The following TXNRD1 variants were observed in gnomAD, a reference collection of about 807,000 sequenced individuals.
TXNRD1 encodes thioredoxin reductase 1, cytoplasmic.
TXNRD1 carries 57 observed loss-of-function variants against 80.3 expected under a neutral mutation model. The observed-to-expected ratio is 0.71, with a 90% CI of 0.57 to 0.89. The LOEUF (loss-of-function observed/expected upper bound fraction) is 0.89. Ranked by LOEUF, TXNRD1 falls within the 40% of genes least tolerant of loss-of-function variation. The probability of loss-of-function intolerance (pLI) is 0.00; values close to 1 mark genes in which losing one functional copy is unlikely to be tolerated. For synonymous variants in TXNRD1, 291 were observed against 285.2 expected (o/e 1.02, Z -0.20); for missense variants, 730 against 803.0 (o/e 0.91, Z 1.10).
chr12:104,289,778 A>G (rs1258125504), intron 4 of TXNRD1, among the ~76,000 whole-genome samples: 1 of 151,414 alleles, frequency 6.6e-6, no homozygotes, highest in East Asian at 1.9e-4. Context: ...CCCAGAGTGC[A>G]CTGGAGTGCA....
At chr12:104,335,720 A>G (rs1479278214) in intron 15 of TXNRD1, among the ~76,000 whole-genome samples, 1 of 152,222 alleles carries the variant, frequency 6.6e-6, no homozygotes, top group East Asian at 1.9e-4. Context: ...TTTTAAAGAA[A>G]CGACCTCAGT....
At chr12:104,278,296 G>C (rs1308030226) in intron 3 of TXNRD1, among the ~76,000 whole-genome samples, 1 of 147,792 alleles carries the variant, frequency 6.8e-6, no homozygotes, top group African/African-American at 2.5e-5. Flanking sequence ...CACCTCCCCG[G>C]TCCACGCCTT....
At chr12:104,332,619 C>T (rs2035989766) in intron 14 of TXNRD1, among the ~76,000 whole-genome samples, 1 of 151,808 alleles carries the variant, frequency 6.6e-6, no homozygotes, top group Non-Finnish European at 1.5e-5. Flanking sequence ...AGTGGTGGTG[C>T]ATGCCTGTAA....
intron 3 of TXNRD1, chr12:104,262,206 TGG>T (rs1288939007): frequency 7.9e-6 from 1 of 125,930 alleles, no homozygotes; most frequent in Non-Finnish European, 1.6e-5. Flanking sequence ...CACTTCAGCC[TGG>T]GCAACAAGAG....
intron 1 of TXNRD1, among the ~76,000 whole-genome samples, chr12:104,225,656 A>G (rs368460882): frequency 7.3e-5 from 11 of 151,708 alleles, no homozygotes; most frequent in African/African-American, 1.9e-4. Flanking sequence ...GCCTTCTGCC[A>G]TGACTAAAAG....
intron 10 of TXNRD1, among the ~76,000 whole-genome samples, chr12:104,323,295 GC>G (rs1388357365): frequency 6.7e-6 from 1 of 149,870 alleles, no homozygotes; most frequent in Non-Finnish European, 1.5e-5. Flanking sequence ...TGTCATCCTG[GC>G]CCGTTCTCAA....
At chr12:104,342,638 GA>G (rs1258171593) in intron 16 of TXNRD1, among the ~76,000 whole-genome samples, 1 of 152,152 alleles carries the variant, frequency 6.6e-6, no homozygotes. Flanking sequence ...AAAGAGCTTA[GA>G]GAGTTAAAAA....
At position 104,251,593 on chromosome 12, in the gene TXNRD1, C is replaced by G. The variant is rs2033118723; in HGVS notation, c.158C>G (p.Ala53Gly). The change falls in exon 2 of 17, where the codon GCA becomes GGA. Residue 53 changes from alanine (A) to glycine (G), a missense_variant. Transcript: ENST00000525566. ...NPAGFTSTAT[A>G]DSRALLQAYI... is the part of the protein sequence containing the mutation. The stretch of plus-strand genomic sequence containing the variant: ...GCAGGATTCACCAGCACGGCCACTG[C>G]AGACTCCAGAGCCCTGCTTCAGGCC... 6 of 1,613,930 alleles carry G rather than the reference C, an allele frequency of 3.7e-6. No homozygotes were observed. In the East Asian group the frequency reaches 1.3e-4, roughly 36 times the overall value.
intron 16 of TXNRD1, among the ~76,000 whole-genome samples, chr12:104,343,137 T>A (rs750348921): frequency 5.3e-5 from 8 of 152,200 alleles, no homozygotes; most frequent in Non-Finnish European, 7.3e-5. Context: ...TGTCCCTGCC[T>A]GTTGACTAAC....
Position 104,283,354 on chromosome 12 carries a change from C to T in TXNRD1, c.305-5577C>T, listed in dbSNP as rs930111430. ...GCAACTTCCGTCTCCTGGGTTCAAG[C>T]GATTCTCCTGCCTCAACCTCCTGAG... On this transcript the variant is annotated intron_variant, in intron 3 of 16. Coordinates refer to ENST00000525566, the MANE Select transcript of TXNRD1 (RefSeq NM_001093771.3). Among the ~76,000 whole-genome samples the T allele has an allele frequency of 3.9e-5, 6 of 152,162 alleles. No homozygotes were observed. In the South Asian group the frequency reaches 6.2e-4, roughly 16 times the overall value.
At chr12:104,346,988 G>C (rs752737464) in intron 16 of TXNRD1, among the ~76,000 whole-genome samples, 6 of 152,064 alleles carry the variant, frequency 3.9e-5, no homozygotes, top group Non-Finnish European at 8.8e-5. Context: ...CCACCTACTC[G>C]GGAGGCTGAG....
At chr12:104,347,405 A>G (rs923793060) in intron 16 of TXNRD1, among the ~76,000 whole-genome samples, 8 of 152,338 alleles carry the variant, frequency 5.3e-5, no homozygotes, top group East Asian at 1.9e-4. Context: ...CGTACAGGCA[A>G]TCTTGAGCAG....
intron 11 of TXNRD1, among the ~76,000 whole-genome samples, chr12:104,325,644 C>T (rs529704319): frequency 6.6e-6 from 1 of 152,142 alleles, no homozygotes; most frequent in South Asian, 2.1e-4. Flanking sequence ...GAGGCCAAGG[C>T]GGGCAGATCA....
intron 10 of TXNRD1, among the ~76,000 whole-genome samples, chr12:104,322,794 A>G (rs2035585721): frequency 6.6e-6 from 1 of 150,376 alleles, no homozygotes. Flanking sequence ...CTTCCTATAT[A>G]CAATTTTTTT....
chr12:104,277,268 C>A (rs925209429), intron 3 of TXNRD1, among the ~76,000 whole-genome samples: 1 of 149,552 alleles, frequency 6.7e-6, no homozygotes, highest in African/African-American at 2.5e-5. Flanking sequence ...GGTGTGGTGG[C>A]GGGCGCCTAT....
rs60068374 is a variant in TXNRD1 at position 104,311,988 on chromosome 12, AT to A, written c.537+577del. ...AGGAGCAAAACTCTGTCTTTAAAAA[AT>A]ATATATATATATGTGTATATATATG... On this transcript the variant is annotated intron_variant, in intron 5 of 16. Transcript: ENST00000525566. Among the ~76,000 whole-genome samples, 238 of 107,158 alleles carry A rather than the reference AT, an allele frequency of 2.2e-3. 2 individuals carry two copies. The highest frequency in any genetic ancestry group is 4.3e-3 in the Non-Finnish European group (198 of 46,212). 70.3% of individuals were successfully genotyped at this position (107,158 alleles called of 152,430 possible). A position where few individuals can be genotyped will look rare whatever the true frequency, so the allele number is the denominator to read the frequency against.
chr12:104,313,193 C>A, intron 5 of TXNRD1, 52 bp from the exon 6 acceptor site: 1 of 1,439,356 alleles, frequency 6.9e-7, no homozygotes, highest in Non-Finnish European at 9.5e-7. Context: ...CAGCCCATTT[C>A]CAATCTGTCA....
intron 1 of TXNRD1, among the ~76,000 whole-genome samples, chr12:104,219,542 T>C (rs1249726622): frequency 1.3e-5 from 2 of 152,216 alleles, no homozygotes; most frequent in Non-Finnish European, 2.9e-5. Context: ...ATCATAAAAG[T>C]AGATGGGTAC....
At chr12:104,301,838 C>T (rs931193172) in intron 4 of TXNRD1, among the ~76,000 whole-genome samples, 1 of 152,200 alleles carries the variant, frequency 6.6e-6, no homozygotes, top group East Asian at 1.9e-4. Flanking sequence ...ACTTACCTTT[C>T]TTTCATTTTT....
Sources: allele counts gnomAD v4.1 joint callset (sites outside exome capture counted in the v4.1 genomes callset), GRCh38; gene constraint gnomAD v4.1.1; transcripts MANE v1.5; gene names NCBI Gene and HGNC (gene_info 2026-07-23, HGNC 2026-07-21).